AFTPH: variants seen among roughly 807,000 people sequenced by gnomAD.
The protein encoded by AFTPH is aftiphilin.
In AFTPH, 7 loss-of-function variants were observed where a neutral mutation model predicts 72.5. The ratio of observed to expected loss-of-function variants is 0.10; its 90% confidence interval spans 0.05 to 0.18. The LOEUF (loss-of-function observed/expected upper bound fraction) is 0.18, where lower values mean the gene tolerates loss of function less well. AFTPH is among the 10% of genes least tolerant of loss of function. The pLI is 1.00. For missense variants in AFTPH, 979 were observed against 1,060.5 expected (o/e 0.92, Z 1.07); for synonymous variants, 337 against 370.1 (o/e 0.91, Z 1.03).
chr2:64,565,197 G>A (rs144335733), intron 2 of AFTPH, among the ~76,000 whole-genome samples: 34 of 152,040 alleles, frequency 2.2e-4, no homozygotes, highest in African/African-American at 7.7e-4. Context: ...AAATATTTGG[G>A]CTGGGCGCAG....
chr2:64,590,182 C>G (rs1223796148), intron 8 of AFTPH, among the ~76,000 whole-genome samples: 1 of 152,154 alleles, frequency 6.6e-6, no homozygotes, highest in Non-Finnish European at 1.5e-5. Context: ...TTTAACCTAG[C>G]ATATCTCCTC....
At chr2:64,567,990 G>A (rs1168000993) in intron 3 of AFTPH, among the ~76,000 whole-genome samples, 1 of 151,336 alleles carries the variant, frequency 6.6e-6, no homozygotes, top group African/African-American at 2.4e-5. Context: ...AGGTTGCAGT[G>A]AGCCAAGATC....
intron 2 of AFTPH, among the ~76,000 whole-genome samples, chr2:64,564,971 T>C (rs1247548611): frequency 6.6e-6 from 1 of 151,868 alleles, no homozygotes; most frequent in East Asian, 2.0e-4. Flanking sequence ...CCTGAGTAGC[T>C]GGGACTACAG....
intron 8 of AFTPH, among the ~76,000 whole-genome samples, chr2:64,591,164 CTG>C (rs779374326): frequency 4.6e-5 from 7 of 152,320 alleles, no homozygotes; most frequent in Non-Finnish European, 8.8e-5. Context: ...ATTTTCTTGT[CTG>C]TGTTAGGCAC....
At chr2:64,545,081 A>G (rs1670485171) in intron 1 of AFTPH, among the ~76,000 whole-genome samples, 1 of 152,204 alleles carries the variant, frequency 6.6e-6, no homozygotes, top group South Asian at 2.1e-4. Context: ...CTGAGTTTGG[A>G]ATAGGTTGTG....
intron 8 of AFTPH, among the ~76,000 whole-genome samples, chr2:64,586,049 A>C (rs1673482833): frequency 6.6e-6 from 1 of 152,210 alleles, no homozygotes; most frequent in Non-Finnish European, 1.5e-5. Context: ...CTTCAGAGGC[A>C]TGGCCTATTG....
At chr2:64,543,539 C>T (rs1433294944) in intron 1 of AFTPH, among the ~76,000 whole-genome samples, 1 of 152,140 alleles carries the variant, frequency 6.6e-6, no homozygotes, top group Admixed American at 6.5e-5. Flanking sequence ...CTATCTGGAG[C>T]TTATTTCTGT....
At chr2:64,539,733 A>G (rs1280654029) in intron 1 of AFTPH, among the ~76,000 whole-genome samples, 2 of 152,204 alleles carry the variant, frequency 1.3e-5, no homozygotes, top group African/African-American at 4.8e-5. Flanking sequence ...TGCCTACACA[A>G]CATTTACAGT....
chr2:64,536,333 A>G (rs559933019), intron 1 of AFTPH, among the ~76,000 whole-genome samples: 3 of 152,194 alleles, frequency 2.0e-5, no homozygotes, highest in South Asian at 2.1e-4. Context: ...CGGGAGGCCA[A>G]AGTGGGTAGA....
At chr2:64,530,242 C>G (rs1422419693) in intron 1 of AFTPH, among the ~76,000 whole-genome samples, 1 of 152,048 alleles carries the variant, frequency 6.6e-6, no homozygotes, top group Non-Finnish European at 1.5e-5. Context: ...TATATGTGTA[C>G]TTTTTACCAA....
At chr2:64,554,603 A>C (rs921363434) in intron 2 of AFTPH, among the ~76,000 whole-genome samples, 3 of 152,246 alleles carry the variant, frequency 2.0e-5, no homozygotes, top group African/African-American at 7.2e-5. Context: ...TTATGGTATT[A>C]CCAGTTGGTG....
At chr2:64,555,974 A>G (rs1671337803) in intron 2 of AFTPH, among the ~76,000 whole-genome samples, 1 of 147,400 alleles carries the variant, frequency 6.8e-6, no homozygotes, top group South Asian at 2.2e-4. Flanking sequence ...TGTTTGGAAC[A>G]GCACGAATTC....
chr2:64,585,402 C>G lies in AFTPH; in HGVS notation c.2456-20C>G, dbSNP rs745508720. 3.1e-6 allele frequency: 5 copies of G among 1,612,592 alleles called. No homozygotes were observed. The Admixed American group carries it at 8.4e-5, about 27-fold the overall frequency. On this transcript the variant is annotated intron_variant, in intron 7 of 8. Transcript: ENST00000238856. ...ACCCATTGCAGCCTGCCATCACTGA[C>G]TATCATTTTATACTATAAGGTGTGG...
chr2:64,538,944 G>A (rs1331387696), intron 1 of AFTPH, among the ~76,000 whole-genome samples: 3 of 152,088 alleles, frequency 2.0e-5, no homozygotes, highest in African/African-American at 7.3e-5. Flanking sequence ...AGGAATGGCA[G>A]CTGCCACAGT....
chr2:64,547,026 G>C (rs1670679745), intron 1 of AFTPH, among the ~76,000 whole-genome samples: 1 of 152,142 alleles, frequency 6.6e-6, no homozygotes, highest in African/African-American at 2.4e-5. Flanking sequence ...TCCAGCCTGG[G>C]CGACAGAGCT....
intron 8 of AFTPH, among the ~76,000 whole-genome samples, chr2:64,588,944 A>C (rs1673663222): frequency 6.6e-6 from 1 of 152,148 alleles, no homozygotes; most frequent in Admixed American, 6.6e-5. Context: ...AAGATTTTTA[A>C]GTATATTCTG....
chr2:64,540,767 G>T (rs1670201796), intron 1 of AFTPH, among the ~76,000 whole-genome samples: 1 of 151,970 alleles, frequency 6.6e-6, no homozygotes, highest in Non-Finnish European at 1.5e-5. Context: ...CAGTATAAAG[G>T]TATTTTGCTG....
chr2:64,592,007 C>G (rs778642076), exon 9 of AFTPH: 2 of 1,613,536 alleles, frequency 1.2e-6, no homozygotes, highest in Non-Finnish European at 1.7e-6. Flanking sequence ...ACACCTTCCA[C>G]AAGCTCTCAA....
In AFTPH at chr2:64,575,747, A is replaced by ATTT. The variant is rs201920735; in HGVS notation, c.2394+2685_2394+2687dup. 8.2e-3 allele frequency among the ~76,000 whole-genome samples: 895 copies of ATTT among 109,810 alleles called. 20 individuals carry two copies. Among genetic ancestry groups the ATTT allele is most frequent in the African/African-American group, 0.027 (848 of 31,486 alleles). 72.0% of individuals were successfully genotyped at this position (109,810 alleles called of 152,430 possible). On this transcript the variant is annotated intron_variant, in intron 6 of 8. Coordinates refer to ENST00000238856, the Ensembl canonical transcript of AFTPH. ...TGTGTGTGTGTGTGTGTGTGTATAT[A>ATTT]TTTTTTTTGGAGGTAGAGTCTTGCT... is the stretch of plus-strand genomic sequence containing the variant.
Sources: allele counts gnomAD v4.1 joint callset (sites outside exome capture counted in the v4.1 genomes callset), GRCh38; gene constraint gnomAD v4.1.1; transcripts MANE v1.5; gene names NCBI Gene and HGNC (gene_info 2026-07-23, HGNC 2026-07-21).